The following PDZRN4 variants were observed in gnomAD, a reference collection of about 807,000 sequenced individuals.
The protein encoded by PDZRN4 is PDZ domain-containing RING finger protein 4.
In PDZRN4, 70 loss-of-function variants were observed where a neutral mutation model predicts 99.0. That is an observed-to-expected ratio of 0.71 (90% CI 0.58 to 0.86). The LOEUF (loss-of-function observed/expected upper bound fraction) is 0.86, where lower values mean the gene tolerates loss of function less well. Ranked by LOEUF, PDZRN4 falls within the 40% of genes least tolerant of loss-of-function variation. The pLI, the probability that PDZRN4 is intolerant of heterozygous loss-of-function variation, is 0.00. For synonymous variants in PDZRN4, 551 were observed against 501.6 expected, an observed-to-expected ratio of 1.10 and a Z score of -1.32; for missense variants, 1,474 against 1,331.2, an observed-to-expected ratio of 1.11 and a Z score of -1.67.
At chr12:41,567,925 C>A (rs201964656) in intron 9 of PDZRN4, 26 bp downstream of exon 9, 1 of 1,269,878 alleles carries the variant, frequency 7.9e-7, no homozygotes, top group Non-Finnish European at 1.1e-6. Context: ...TGAACTACAT[C>A]ATTTGATATG....
chr12:41,449,777 C>G (rs1952760094), intron 3 of PDZRN4, among the ~76,000 whole-genome samples: 1 of 152,288 alleles, frequency 6.6e-6, no homozygotes, highest in South Asian at 2.1e-4. Context: ...TGATGCATCT[C>G]CTTTTGCTGC....
chr12:41,260,376 G>A (rs1037804219), intron 3 of PDZRN4, among the ~76,000 whole-genome samples: 1 of 151,874 alleles, frequency 6.6e-6, no homozygotes, highest in Non-Finnish European at 1.5e-5. Context: ...TTTTGTGGGT[G>A]GTCTCTGATT....
At chr12:41,382,212 A>G (rs7967532) in intron 3 of PDZRN4, among the ~76,000 whole-genome samples, 72,018 of 151,966 alleles carry the variant, frequency 0.47, 17,844 homozygotes, top group Middle Eastern at 0.66. Context: ...TCCCCAGCCA[A>G]GTAGTGCTGC....
intron 3 of PDZRN4, among the ~76,000 whole-genome samples, chr12:41,296,571 G>A (rs1165747872): frequency 6.6e-6 from 1 of 152,090 alleles, no homozygotes; most frequent in Admixed American, 6.6e-5. Flanking sequence ...CATCAACAAA[G>A]GGCAATTTTT....
chr12:41,500,122 T>C (rs556063105), intron 3 of PDZRN4, among the ~76,000 whole-genome samples: 5 of 152,092 alleles, frequency 3.3e-5, no homozygotes, highest in African/African-American at 1.2e-4. Flanking sequence ...TGGGTCTGTA[T>C]TTCAACAGAG....
chr12:41,504,690 T>C (rs1207539730), intron 3 of PDZRN4, among the ~76,000 whole-genome samples: 1 of 152,208 alleles, frequency 6.6e-6, no homozygotes, highest in African/African-American at 2.4e-5. Context: ...AGTGTGATCA[T>C]GTCCATAGGT....
intron 3 of PDZRN4, among the ~76,000 whole-genome samples, chr12:41,302,803 G>A (rs1951544570): frequency 6.6e-6 from 1 of 152,000 alleles, no homozygotes; most frequent in Non-Finnish European, 1.5e-5. Flanking sequence ...CATAATGGAT[G>A]ACATGAGATG....
At chr12:41,288,113 A>G (rs1227263246) in intron 3 of PDZRN4, among the ~76,000 whole-genome samples, 1 of 152,202 alleles carries the variant, frequency 6.6e-6, no homozygotes, top group Non-Finnish European at 1.5e-5. Flanking sequence ...TTCATAATTT[A>G]TCAGCATTAT....
At chr12:41,438,357 CATT>C (rs1357032558) in intron 3 of PDZRN4, among the ~76,000 whole-genome samples, 2 of 152,120 alleles carry the variant, frequency 1.3e-5, no homozygotes, top group African/African-American at 4.8e-5. Flanking sequence ...TCAATTGTAT[CATT>C]GTCTGCATAA....
intron 3 of PDZRN4, among the ~76,000 whole-genome samples, chr12:41,444,344 C>T (rs1265830374): frequency 6.6e-6 from 1 of 152,054 alleles, no homozygotes; most frequent in Non-Finnish European, 1.5e-5. Context: ...CTGCCCCAAG[C>T]CTGACTTGGG....
At chr12:41,455,025 T>C (rs1952806629) in intron 3 of PDZRN4, among the ~76,000 whole-genome samples, 1 of 152,242 alleles carries the variant, frequency 6.6e-6, no homozygotes, top group African/African-American at 2.4e-5. Flanking sequence ...GCTAGACTAT[T>C]GTATTGGACA....
rs747867529 is a variant in PDZRN4, at chr12:41,555,701, G to A, written c.1306G>A (p.Asp436Asn). ...ATGTATGTCCTCTTCATTACAGGTT[G>A]ACCCAAATAGCATTGCTGCCAAAGA... The part of the protein sequence containing the change: ...EDTGIYVSEV[D>N]PNSIAAKDGR... The change falls in exon 7 of 10, where the codon GAC (aspartate) becomes AAC (asparagine). Residue 436 changes from aspartate (D) to asparagine (N), a missense_variant. Coordinates refer to ENST00000402685, the MANE Select transcript of PDZRN4 (RefSeq NM_001164595.2). The A allele has an allele frequency of 2.8e-5, 45 of 1,613,562 alleles. No homozygotes were observed. Among genetic ancestry groups the A allele is most frequent in the African/African-American group, 4.0e-5 (3 of 74,892 alleles).
intron 3 of PDZRN4, among the ~76,000 whole-genome samples, chr12:41,311,911 T>C (rs894427759): frequency 2.0e-5 from 3 of 152,184 alleles, no homozygotes; most frequent in South Asian, 2.1e-4. Context: ...ACTTAGTACA[T>C]ATAAAAATAT....
intron 3 of PDZRN4, among the ~76,000 whole-genome samples, chr12:41,427,136 G>T (rs552080448): frequency 6.6e-6 from 1 of 152,286 alleles, no homozygotes; most frequent in African/African-American, 2.4e-5. Context: ...CTCCCTGGCT[G>T]CCAGTCACTA....
At chr12:41,358,102 G>A (rs952746230) in intron 3 of PDZRN4, among the ~76,000 whole-genome samples, 3 of 151,938 alleles carry the variant, frequency 2.0e-5, no homozygotes, top group African/African-American at 4.8e-5. Flanking sequence ...CATTTTGAAC[G>A]ATGTGAATTT....
chr12:41,568,522 A>G (rs1264276428), intron 9 of PDZRN4, among the ~76,000 whole-genome samples: 1 of 152,202 alleles, frequency 6.6e-6, no homozygotes, highest in Non-Finnish European at 1.5e-5. Flanking sequence ...TATTCATTCA[A>G]CTAAACACTT....
rs1950857421 is a variant in PDZRN4 at position 41,207,254 on chromosome 12, A to G, written c.843+13066A>G. ...TTAAAATCCAGTAATGTCACATTCT[A>G]TTGATTCAGAATTCAGTCATTGAGG... On this transcript the variant is annotated intron_variant, in intron 3 of 9. Transcript: ENST00000402685. Among the ~76,000 whole-genome samples, 6 of 151,888 alleles carry G rather than the reference A, an allele frequency of 4.0e-5. No individual in the cohort carries two copies. The South Asian group carries it at 1.2e-3, about 32-fold the overall frequency.
At chr12:41,228,887 A>G (rs562235610) in intron 3 of PDZRN4, among the ~76,000 whole-genome samples, 1 of 152,190 alleles carries the variant, frequency 6.6e-6, no homozygotes, top group Admixed American at 6.5e-5. Flanking sequence ...TCCTACAGAG[A>G]TAATCTCACA....
chr12:41,189,007 G>C lies in PDZRN4; in HGVS notation c.552G>C (p.Glu184Asp). The C allele has an allele frequency of 6.4e-7, 1 of 1,550,462 alleles. No individual in the cohort carries two copies. Among genetic ancestry groups the C allele is most frequent in the East Asian group, 2.4e-5 (1 of 41,524 alleles). Residue 184 changes from glutamate to aspartate, a missense_variant, in exon 1 of 10, where the codon GAG becomes GAC. Transcript: ENST00000402685. ...CGCAGCTCTGGGCGCTGCAGGGCGA[G>C]GTGCAGCTCACGGCGCGCAGGTACC... The part of the protein sequence containing the change: ...LLAQLWALQG[E>D]VQLTARRYQE...
Sources: allele counts gnomAD v4.1 joint callset (sites outside exome capture counted in the v4.1 genomes callset), GRCh38; gene constraint gnomAD v4.1.1; transcripts MANE v1.5; gene names NCBI Gene and HGNC (gene_info 2026-07-23, HGNC 2026-07-21).